The following PCNT variants were observed in gnomAD, a reference collection of about 807,000 sequenced individuals.
PCNT encodes pericentrin.
Under a neutral mutation model 380.4 loss-of-function variants are expected in PCNT, and 319 were observed. The ratio of observed to expected loss-of-function variants is 0.84; its 90% CI spans 0.77 to 0.92. The LOEUF (loss-of-function observed/expected upper bound fraction) is 0.92, where lower values mean the gene tolerates loss of function less well. Ranked by LOEUF, PCNT falls within the 40% of genes least tolerant of loss-of-function variation. PCNT has a pLI of 0.00. For missense variants in PCNT, 4,400 were observed against 4,255.3 expected, an observed-to-expected ratio of 1.03 and a Z score of -0.95; for synonymous variants, 1,845 against 1,735.2, an observed-to-expected ratio of 1.06 and a Z score of -1.57.
intron 15 of PCNT, among the ~76,000 whole-genome samples, chr21:46,368,598 G>A (rs747666478): frequency 1.6e-4 from 25 of 152,256 alleles, no homozygotes; most frequent in African/African-American, 2.4e-4. Context: ...ACGTGTTGTC[G>A]TATCACACAC....
chr21:46,371,723 G>A (rs1274297172), intron 15 of PCNT, among the ~76,000 whole-genome samples: 2 of 152,150 alleles, frequency 1.3e-5, no homozygotes, highest in African/African-American at 2.4e-5. Flanking sequence ...TTGTGGACCC[G>A]TGCACCTGCC....
At chr21:46,344,455 T>C (rs2084002578) in intron 3 of PCNT, among the ~76,000 whole-genome samples, 2 of 152,242 alleles carry the variant, frequency 1.3e-5, no homozygotes, top group East Asian at 1.9e-4. Context: ...CAGGCAGCCC[T>C]TGTGGAGCCC....
Position 46,427,658 on chromosome 21 carries a change from C to T in PCNT, c.7357C>T (p.Leu2453Phe), listed in dbSNP as rs745674872. ...CGCGTGCCCCGATTGGAGAGGGGAC[C>T]TTCTGCAGGTTGTGCAAGAGGCCTT... ...PTACPDWRGD[L>F]LQVVQEAFEK... The change falls in exon 34 of 47, where the codon CTT (leucine) becomes TTT (phenylalanine). Residue 2453 changes from leucine to phenylalanine, a missense_variant. Leu to Phe is a conservative substitution (Grantham distance 22). Transcript: ENST00000359568. 6.2e-7 allele frequency: 1 copy of T among 1,613,972 alleles called. No individual in the cohort carries two copies. The highest frequency in any genetic ancestry group is 2.2e-5 in the East Asian group (1 of 44,878).
rs577180317 is a variant in PCNT, at chr21:46,341,370, C to T, written c.640-4758C>T. Among the ~76,000 whole-genome samples the T allele has an allele frequency of 1.1e-4, 16 of 152,100 alleles. No individual in the cohort carries two copies. The South Asian group carries it at 3.3e-3, about 32-fold the overall frequency. On this transcript the variant is annotated intron_variant, in intron 3 of 46. Transcript: ENST00000359568. ...CTTTTTTAGTGAGGTGTTTGTGTTA[C>T]TTTTGTGAGAAGTCTGTGTTATGGC... is the stretch of plus-strand genomic sequence containing the variant.
intron 3 of PCNT, among the ~76,000 whole-genome samples, chr21:46,338,382 C>T (rs953385255): frequency 4.6e-5 from 7 of 152,178 alleles, no homozygotes; most frequent in Non-Finnish European, 1.0e-4. Context: ...GAATGTTCTA[C>T]AGATGGAATT....
chr21:46,428,608 C>T lies in PCNT; in HGVS notation c.7690+18C>T. On this transcript the variant is annotated intron_variant, in intron 35 of 46. Coordinates refer to ENST00000359568, the MANE Select transcript of PCNT (RefSeq NM_006031.6). Reference sequence around the variant, plus strand: ...CAGGCAGGGTGGGTGTCACTGTCTACACTGCCTGGGGCCCGGCCTCTGCAC... The same window carrying T: ...CAGGCAGGGTGGGTGTCACTGTCTATACTGCCTGGGGCCCGGCCTCTGCAC... The T allele has an allele frequency of 2.5e-6, 4 of 1,582,070 alleles. No individual in the cohort carries two copies. Among genetic ancestry groups the T allele is most frequent in the Non-Finnish European group, 3.4e-6 (4 of 1,171,148 alleles).
chr21:46,441,913 T>C (rs966576224), intron 43 of PCNT, among the ~76,000 whole-genome samples: 1 of 152,092 alleles, frequency 6.6e-6, no homozygotes, highest in Non-Finnish European at 1.5e-5. Flanking sequence ...GAATCGGCAG[T>C]GTCTGCTATG....
At position 46,437,025 on chromosome 21, in the gene PCNT, T is replaced by C. The variant is rs1410219770; in HGVS notation, c.9043T>C (p.Leu3015=). Reference sequence around the variant, plus strand: ...ATCCAATGAGAAAGCAGTGATGTCTTTACTGCACACGTTGGAGGAGCTGAA... The same window carrying C: ...ATCCAATGAGAAAGCAGTGATGTCTCTACTGCACACGTTGGAGGAGCTGAA... ...TSSNEKAVMS[L]LHTLEELKSD... The change falls in exon 40 of 47, where the codon TTA becomes CTA. Residue 3015 remains leucine (L), a synonymous_variant. Transcript: ENST00000359568. The C allele has an allele frequency of 1.9e-5, 30 of 1,614,224 alleles. No homozygotes were observed. Among genetic ancestry groups the C allele is most frequent in the Non-Finnish European group, 2.5e-5 (29 of 1,180,012 alleles).
chr21:46,429,894 C>G lies in PCNT; in HGVS notation c.7691-116C>G, dbSNP rs943100733. The G allele has an allele frequency of 8.0e-5, 63 of 783,172 alleles. 3 individuals are homozygous for G. Among genetic ancestry groups the G allele is most frequent in the South Asian group, 6.3e-4 (38 of 60,124 alleles). 48.5% of individuals were successfully genotyped at this position (783,172 alleles called of 1,614,324 possible). On this transcript the variant is annotated intron_variant, in intron 35 of 46. Transcript: ENST00000359568. ...GAAAGCTTCTAGTCCACAGAACCTC[C>G]TTTCTTCCCGAAGCACATACACCTC...
At chr21:46,352,667 T>G (rs2084316081) in intron 9 of PCNT, among the ~76,000 whole-genome samples, 1 of 152,192 alleles carries the variant, frequency 6.6e-6, no homozygotes, top group Non-Finnish European at 1.5e-5. Flanking sequence ...AACAACACAG[T>G]TGTCAGCTTA....
chr21:46,330,380 A>C (rs113588000), intron 2 of PCNT, among the ~76,000 whole-genome samples: 17 of 152,236 alleles, frequency 1.1e-4, no homozygotes, highest in African/African-American at 4.1e-4. Flanking sequence ...CGGCCTCCCA[A>C]AGTGCTGGAA....
intron 27 of PCNT, among the ~76,000 whole-genome samples, chr21:46,405,138 T>C (rs1191289226): frequency 6.6e-6 from 1 of 151,960 alleles, no homozygotes; most frequent in East Asian, 1.9e-4. Flanking sequence ...AAGGATGAGA[T>C]AGGAAGATCA....
At position 46,388,942 on chromosome 21, in the gene PCNT, GAGC is replaced by G; in HGVS notation, c.3607+59_3607+61del. The G allele has an allele frequency of 6.5e-7, 1 of 1,542,732 alleles. No individual in the cohort carries two copies. The highest frequency in any genetic ancestry group is 8.7e-7 in the Non-Finnish European group (1 of 1,149,766). On this transcript the variant is annotated intron_variant, in intron 18 of 46. Coordinates refer to ENST00000359568, the MANE Select transcript of PCNT (RefSeq NM_006031.6). This position sits in a 1 kb window ranked among gnomAD's most constrained non-coding sequence, Gnocchi z 4.2. The stretch of plus-strand genomic sequence containing the variant: ...TGCTTGCAGCCCCTCTGTGGTCCTG[GAGC>G]TCTCTGAGAGGAGCCTCCGTATTGG...
In PCNT at chr21:46,443,894, AC is replaced by A; in HGVS notation, c.9788del (p.Pro3263LeufsTer27). On this transcript the variant is annotated frameshift_variant, in exon 45 of 47. Coordinates refer to ENST00000359568, the MANE Select transcript of PCNT (RefSeq NM_006031.6). LOFTEE classifies it high-confidence loss of function. ...GATGTACCCTCTGGCCACACCAGGGACCCTGCCAGAGGCCGCAGACTGGCAG... is the reference window on the plus strand; with the variant it reads ...GATGTACCCTCTGGCCACACCAGGGACCTGCCAGAGGCCGCAGACTGGCAG... Reference protein sequence around the residue: ...TRDVPSGHTRDPARGRRLAAA... With the variant: ...TRDVPSGHTRXPARGRRLAAA... The A allele has an allele frequency of 6.2e-7, 1 of 1,612,746 alleles. No homozygotes were observed. Among genetic ancestry groups the A allele is most frequent in the African/African-American group, 1.3e-5 (1 of 74,950 alleles).
chr21:46,325,766 T>C (rs1569152017), intron 1 of PCNT, among the ~76,000 whole-genome samples: 1 of 152,130 alleles, frequency 6.6e-6, no homozygotes, highest in African/African-American at 2.4e-5. Context: ...TCTCAAACTC[T>C]CGGATTTGAG....
intron 21 of PCNT, among the ~76,000 whole-genome samples, chr21:46,396,909 C>G (rs182957370): frequency 7.9e-5 from 12 of 152,258 alleles, no homozygotes; most frequent in Middle Eastern, 3.4e-3. Flanking sequence ...GACCTAGATT[C>G]GCTTTTGATT....
chr21:46,329,533 T>G (rs548252231), intron 2 of PCNT, among the ~76,000 whole-genome samples: 1 of 152,346 alleles, frequency 6.6e-6, no homozygotes, highest in South Asian at 2.1e-4. Flanking sequence ...TTGGACATCT[T>G]AAAGCAATCT....
At chr21:46,413,655 C>CCA (rs948487918) in intron 29 of PCNT, among the ~76,000 whole-genome samples, 36 of 152,222 alleles carry the variant, frequency 2.4e-4, no homozygotes, top group African/African-American at 8.2e-4. Flanking sequence ...CATGGGAGGA[C>CCA]CACATCGCCC....
chr21:46,356,143 A>T (rs543235123), intron 12 of PCNT, among the ~76,000 whole-genome samples: 2 of 152,260 alleles, frequency 1.3e-5, no homozygotes, highest in South Asian at 2.1e-4. Flanking sequence ...GACAGTGGCC[A>T]CTGACGGGTT....
Sources: gnomAD v4.1 joint callset for allele counts (sites outside exome capture counted in the v4.1 genomes callset) on GRCh38, gnomAD v4.1.1 for gene constraint, Gnocchi (gnomAD v3.1) non-coding constraint, MANE v1.5 for transcripts, NCBI Gene and HGNC (gene_info 2026-07-23, HGNC 2026-07-21) for gene names.